Variants in CCDC148 observed in about 807,000 individuals in gnomAD.
CCDC148 encodes the protein coiled-coil domain containing 148.
In CCDC148, 89 loss-of-function variants were observed where a neutral mutation model predicts 85.7. That is an observed-to-expected ratio of 1.04 (90% CI 0.87 to 1.24). CCDC148 has a LOEUF of 1.24. CCDC148 is among the 50% of genes most tolerant of loss of function. CCDC148 has a pLI of 0.00. For synonymous variants in CCDC148, 230 were observed against 213.9 expected, an observed-to-expected ratio of 1.08 and a Z score of -0.66; for missense variants, 692 against 671.7, an observed-to-expected ratio of 1.03 and a Z score of -0.33.
chr2:158,389,473 T>C (rs11680774), intron 1 of CCDC148, among the ~76,000 whole-genome samples: 26,891 of 152,200 alleles, frequency 0.18, 3,091 homozygotes, highest in Middle Eastern at 0.26. Flanking sequence ...CCCAGATCAA[T>C]TTCAATTCTC....
At chr2:158,303,831 G>A (rs1691559771) in intron 9 of CCDC148, among the ~76,000 whole-genome samples, 2 of 152,138 alleles carry the variant, frequency 1.3e-5, no homozygotes, top group South Asian at 4.1e-4. Flanking sequence ...TGATTCAGTG[G>A]CTAGATGCTC....
chr2:158,299,148 C>T (rs535872617), intron 9 of CCDC148, among the ~76,000 whole-genome samples: 3 of 152,184 alleles, frequency 2.0e-5, no homozygotes, highest in Non-Finnish European at 4.4e-5. Flanking sequence ...GGGTTTCAAC[C>T]GAATGTCTAG....
At chr2:158,175,185 A>C (rs575514165) in intron 13 of CCDC148, among the ~76,000 whole-genome samples, 6 of 152,152 alleles carry the variant, frequency 3.9e-5, no homozygotes, top group Admixed American at 6.6e-5. Context: ...ACCGAGTATA[A>C]GGGTTAGCCC....
chr2:158,219,332 C>G (rs1233713682), intron 11 of CCDC148, among the ~76,000 whole-genome samples: 1 of 152,106 alleles, frequency 6.6e-6, no homozygotes, highest in Admixed American at 6.5e-5. Flanking sequence ...GATAACTATG[C>G]CAGTTATCAA....
intron 13 of CCDC148, among the ~76,000 whole-genome samples, chr2:158,173,369 A>AT (rs1036893535): frequency 1.3e-5 from 2 of 152,074 alleles, no homozygotes; most frequent in African/African-American, 4.8e-5. Flanking sequence ...TTGCATGGCC[A>AT]TGCCGAGTCT....
chr2:158,266,860 G>A (rs1309461022), intron 9 of CCDC148, among the ~76,000 whole-genome samples: 1 of 150,920 alleles, frequency 6.6e-6, no homozygotes, highest in Non-Finnish European at 1.5e-5. Context: ...GTGTCTGTGT[G>A]TGTGTGTGTA....
intron 9 of CCDC148, among the ~76,000 whole-genome samples, chr2:158,263,404 T>G (rs1440770376): frequency 6.6e-6 from 1 of 152,006 alleles, no homozygotes; most frequent in Non-Finnish European, 1.5e-5. Context: ...TATCTTATAT[T>G]AAAAAGTTTA....
chr2:158,317,141 C>T (rs1428999345), intron 7 of CCDC148, among the ~76,000 whole-genome samples: 1 of 152,070 alleles, frequency 6.6e-6, no homozygotes, highest in Non-Finnish European at 1.5e-5. Flanking sequence ...TGAAAAATGA[C>T]TCTACGTTAA....
Position 158,250,844 on chromosome 2 carries a change from T to C in CCDC148, c.1179A>G (p.Arg393=). The C allele has an allele frequency of 6.2e-7, 1 of 1,608,278 alleles. No homozygotes were observed. Among genetic ancestry groups the C allele is most frequent in the Non-Finnish European group, 8.5e-7 (1 of 1,178,714 alleles). The part of the protein sequence containing the change: ...RLEMEISARR[R]EKEEEKEKLW... ...GTTTCTCTTTCTCCTCTTCCTTTTC[T>C]CTTCTTCTGGCAGAAATTTCCATTT... The change falls in exon 10 of 14, where the codon AGA becomes AGG. Residue 393 remains arginine, a synonymous_variant. Coordinates refer to ENST00000283233, the MANE Select transcript of CCDC148 (RefSeq NM_138803.4).
chr2:158,429,771 G>T (rs1246790830), intron 1 of CCDC148, among the ~76,000 whole-genome samples: 2 of 152,118 alleles, frequency 1.3e-5, no homozygotes, highest in Admixed American at 6.5e-5. Flanking sequence ...TAAAACCCAT[G>T]TTTTCACAAA....
rs556366465 is a variant in CCDC148 at position 158,275,913 on chromosome 2, C to A, written c.1111-25001G>T. On this transcript the variant is annotated intron_variant, in intron 9 of 13. Coordinates refer to ENST00000283233, the MANE Select transcript of CCDC148 (RefSeq NM_138803.4). ...TACCCATAGAAATTTATGGCCTGAA[C>A]ATCTATTCACTTTAAAATCAAAGAA... 4.2e-4 allele frequency among the ~76,000 whole-genome samples: 64 copies of A among 151,706 alleles called. 1 individual carries two copies. Among genetic ancestry groups the A allele is most frequent in the African/African-American group, 1.5e-3 (61 of 41,352 alleles).
intron 11 of CCDC148, among the ~76,000 whole-genome samples, chr2:158,186,983 G>T (rs1411041006): frequency 2.0e-5 from 3 of 151,858 alleles, no homozygotes; most frequent in Non-Finnish European, 2.9e-5. Context: ...ATTCTTTGTT[G>T]AAATTATTAT....
At chr2:158,308,353 G>T (rs1468555492) in intron 9 of CCDC148, among the ~76,000 whole-genome samples, 1 of 152,198 alleles carries the variant, frequency 6.6e-6, no homozygotes, top group Non-Finnish European at 1.5e-5. Flanking sequence ...TTTCTTATCA[G>T]CCTGAAGATG....
At chr2:158,310,816 ACGC>A (rs1405630800) in intron 8 of CCDC148, among the ~76,000 whole-genome samples, 1 of 130,376 alleles carries the variant, frequency 7.7e-6, no homozygotes, top group East Asian at 2.4e-4. Flanking sequence ...CCAGGCAGAG[ACGC>A]TCCTCACTTC....
At chr2:158,332,513 G>A (rs1693190835) in intron 7 of CCDC148, among the ~76,000 whole-genome samples, 1 of 143,806 alleles carries the variant, frequency 7.0e-6, no homozygotes. Context: ...TCGTGTCTCT[G>A]CCAGGTTTTG....
chr2:158,192,507 T>G lies in CCDC148; in HGVS notation c.1371-13511A>C, dbSNP rs534743720. Among the ~76,000 whole-genome samples, 19 of 152,218 alleles carry G rather than the reference T, an allele frequency of 1.2e-4. No individual in the cohort carries two copies. In the East Asian group the frequency reaches 3.7e-3, roughly 29 times the overall value. On this transcript the variant is annotated intron_variant, in intron 11 of 13. Coordinates refer to ENST00000283233, the MANE Select transcript of CCDC148 (RefSeq NM_138803.4). ...ACAGATAGCTAACTTTTATGAAATT[T>G]TATTTTAATAAAGTTTACAATGGCC...
intron 1 of CCDC148, among the ~76,000 whole-genome samples, chr2:158,415,411 T>C (rs1169864467): frequency 2.0e-5 from 3 of 152,156 alleles, no homozygotes; most frequent in Admixed American, 6.5e-5. Flanking sequence ...ACATTAAGGA[T>C]TACAATTCAA....
chr2:158,328,731 T>C (rs935922008), intron 7 of CCDC148, among the ~76,000 whole-genome samples: 1 of 152,234 alleles, frequency 6.6e-6, no homozygotes, highest in Non-Finnish European at 1.5e-5. Flanking sequence ...TGGTATCTCA[T>C]TGTGGTTTTG....
intron 1 of CCDC148, among the ~76,000 whole-genome samples, chr2:158,397,941 C>CCAAA (rs1374521610): frequency 2.6e-5 from 4 of 151,686 alleles, no homozygotes; most frequent in African/African-American, 9.7e-5. Context: ...GGAAGATCCA[C>CCAAA]CAAACAAACA....
Sources: allele counts gnomAD v4.1 joint callset (sites outside exome capture counted in the v4.1 genomes callset), GRCh38; gene constraint gnomAD v4.1.1; transcripts MANE v1.5; gene names NCBI Gene and HGNC (gene_info 2026-07-23, HGNC 2026-07-21).